NPSR1: variants seen among roughly 807,000 people sequenced by gnomAD.
NPSR1 encodes the protein neuropeptide S receptor.
Under a neutral mutation model 46.9 loss-of-function variants are expected in NPSR1, and 48 were observed. The ratio of observed to expected loss-of-function variants is 1.02; its 90% CI spans 0.81 to 1.30. The LOEUF is 1.30. Ranked by LOEUF, NPSR1 falls within the 50% of genes most tolerant of loss-of-function variation. The pLI, the probability that NPSR1 is intolerant of heterozygous loss-of-function variation, is 0.00. For synonymous variants in NPSR1, 176 were observed against 168.1 expected, an observed-to-expected ratio of 1.05 and a Z score of -0.36; for missense variants, 450 against 449.5, an observed-to-expected ratio of 1.00 and a Z score of -0.01.
downstream of NPSR1, among the ~76,000 whole-genome samples, chr7:34,853,736 G>A (rs185493247): frequency 3.3e-5 from 5 of 152,182 alleles, no homozygotes; most frequent in Admixed American, 6.5e-5. Flanking sequence ...CGAGGAGGGC[G>A]GATCACCTGA....
At chr7:34,857,841 A>C (rs1402835845) in intron 8 of NPSR1, among the ~76,000 whole-genome samples, 1 of 151,808 alleles carries the variant, frequency 6.6e-6, no homozygotes, top group Non-Finnish European at 1.5e-5. Flanking sequence ...ACTACTGCAA[A>C]TCAGTAAGAA....
chr7:34,729,665 G>A (rs1052790239), intron 2 of NPSR1, among the ~76,000 whole-genome samples: 2 of 152,064 alleles, frequency 1.3e-5, no homozygotes, highest in African/African-American at 4.8e-5. Context: ...AATATAAAAA[G>A]CAACTAGCTT....
rs191242775 is a variant in NPSR1, at chr7:34,683,552, T to C, written c.148-1000T>C. On this transcript the variant is annotated intron_variant, in intron 1 of 8. Transcript: ENST00000360581. ...TATCTTAATCTGTTTCATGCTGCTA[T>C]GACAGAATACCCAAGACTGAGTAAT... 2.0e-3 allele frequency among the ~76,000 whole-genome samples: 300 copies of C among 152,310 alleles called. 1 individual carries two copies. The highest frequency in any genetic ancestry group is 6.7e-3 in the African/African-American group (280 of 41,572).
rs189677919 is a variant in NPSR1 at position 34,714,715 on chromosome 7, A to G, written c.280+30031A>G. Among the ~76,000 whole-genome samples the G allele has an allele frequency of 5.7e-3, 873 of 152,274 alleles. 10 individuals carry two copies. Among genetic ancestry groups the G allele is most frequent in the African/African-American group, 0.019 (809 of 41,548 alleles). On this transcript the variant is annotated intron_variant, in intron 2 of 8. Coordinates refer to ENST00000360581, the MANE Select transcript of NPSR1 (RefSeq NM_207172.2). ...AGGTTACTCATCCTAGACCCAGTCAATTGCCCCTGACCTGCCTCAGGAGTG... is the reference window on the plus strand; with the variant it reads ...AGGTTACTCATCCTAGACCCAGTCAGTTGCCCCTGACCTGCCTCAGGAGTG...
rs1562731169 is a variant in NPSR1 at position 34,791,153 on chromosome 7, ATATATTATATATGTTATATAT to A, written c.384+12608_384+12628del. On this transcript the variant is annotated intron_variant, in intron 3 of 8. Transcript: ENST00000360581. Reference sequence around the variant, plus strand: ...TGTTATATATTATATATAATATGTTATATATTATATATGTTATATATTATATTATATATGTTATATGTTATA... The same window carrying A: ...TGTTATATATTATATATAATATGTTATATATTATATATGTTATATGTTATA... Among the ~76,000 whole-genome samples the A allele has an allele frequency of 9.8e-5, 11 of 112,610 alleles. No individual in the cohort carries two copies. In the East Asian group the frequency reaches 9.8e-4, roughly 10 times the overall value. 73.9% of individuals were successfully genotyped at this position (112,610 alleles called of 152,430 possible).
intron 1 of NPSR1, among the ~76,000 whole-genome samples, chr7:34,676,081 C>T (rs758085029): frequency 1.3e-5 from 2 of 151,874 alleles, no homozygotes; most frequent in African/African-American, 2.4e-5. Context: ...AGACTGGTAC[C>T]GAAAATAGGG....
intron 3 of NPSR1, among the ~76,000 whole-genome samples, chr7:34,789,555 G>A (rs1044237187): frequency 2.0e-5 from 3 of 151,812 alleles, no homozygotes; most frequent in Non-Finnish European, 1.5e-5. Context: ...CACTTCGGGA[G>A]GCTGAGGCAG....
chr7:34,696,175 T>C (rs774401330), intron 2 of NPSR1, among the ~76,000 whole-genome samples: 2 of 150,610 alleles, frequency 1.3e-5, no homozygotes, highest in African/African-American at 2.4e-5. Context: ...GAAACATAGA[T>C]AAAGCTAGAA....
At chr7:34,853,980 C>A (rs11412783), downstream of NPSR1, among the ~76,000 whole-genome samples, 120 of 142,680 alleles carry the variant, frequency 8.4e-4, no homozygotes, top group African/African-American at 2.3e-3. Context: ...AAAAAAAAAA[C>A]AAAAAACAAA....
intron 2 of NPSR1, among the ~76,000 whole-genome samples, chr7:34,700,429 A>T (rs1053069243): frequency 1.3e-5 from 2 of 152,202 alleles, no homozygotes; most frequent in African/African-American, 4.8e-5. Flanking sequence ...CTTTCTGTAG[A>T]TCATCTCATT....
At chr7:34,685,759 G>C (rs1401038240) in intron 2 of NPSR1, 2 of 388,438 alleles carry the variant, frequency 5.1e-6, no homozygotes, top group African/African-American at 2.2e-5. Context: ...AGTATAACAA[G>C]CCCACCTGCT....
At chr7:34,680,832 G>C (rs1434306218) in intron 1 of NPSR1, among the ~76,000 whole-genome samples, 3 of 152,076 alleles carry the variant, frequency 2.0e-5, no homozygotes, top group Admixed American at 2.0e-4. Flanking sequence ...TGTATAAGTG[G>C]TAACAGTAAA....
At chr7:34,878,142 G>A (rs1475147567) in exon 9 of NPSR1, 2 of 1,609,710 alleles carry the variant, frequency 1.2e-6, no homozygotes, top group South Asian at 2.2e-5. Context: ...AGAACTGGAA[G>A]GGTACTTGGC....
At chr7:34,873,355 C>T (rs962145249) in intron 8 of NPSR1, among the ~76,000 whole-genome samples, 1 of 151,736 alleles carries the variant, frequency 6.6e-6, no homozygotes, top group African/African-American at 2.4e-5. Context: ...ATGCCCAACT[C>T]CTCAGTACTA....
At chr7:34,825,635 G>A (rs189659312) in intron 4 of NPSR1, among the ~76,000 whole-genome samples, 1 of 152,302 alleles carries the variant, frequency 6.6e-6, no homozygotes, top group African/African-American at 2.4e-5. Context: ...GAAGGTCACT[G>A]CCCAAGTCAA....
intron 2 of NPSR1, among the ~76,000 whole-genome samples, chr7:34,755,930 A>C (rs1372974967): frequency 6.6e-6 from 1 of 152,206 alleles, no homozygotes; most frequent in Non-Finnish European, 1.5e-5. Flanking sequence ...CCCATGTTAG[A>C]CCTGCAGAAA....
downstream of NPSR1, among the ~76,000 whole-genome samples, chr7:34,851,503 G>T (rs1010624425): frequency 6.6e-6 from 1 of 152,044 alleles, no homozygotes; most frequent in African/African-American, 2.4e-5. Context: ...AGCTAAACTT[G>T]AGCAACCCTG....
At chr7:34,781,783 C>T (rs1368351694) in intron 3 of NPSR1, among the ~76,000 whole-genome samples, 2 of 152,180 alleles carry the variant, frequency 1.3e-5, no homozygotes, top group African/African-American at 4.8e-5. Context: ...GACTGATAGT[C>T]TGACTACACT....
Position 34,658,330 on chromosome 7 carries a change from G to C in NPSR1, c.-83G>C. The C allele has an allele frequency of 6.7e-7, 1 of 1,492,028 alleles. No individual in the cohort carries two copies. Among genetic ancestry groups the C allele is most frequent in the Non-Finnish European group, 9.2e-7 (1 of 1,086,544 alleles). 92.4% of individuals were successfully genotyped at this position (1,492,028 alleles called of 1,614,324 possible). On this transcript the variant is annotated 5_prime_UTR_variant, in exon 1 of 9. Transcript: ENST00000360581. ...GCCTCCGTTCAGCAGAGCTGCAGCT[G>C]CTGCCCAGCTCTCAGGAGGCAAGCT...
Sources: allele counts gnomAD v4.1 joint callset (sites outside exome capture counted in the v4.1 genomes callset), GRCh38; gene constraint gnomAD v4.1.1; transcripts MANE v1.5; gene names NCBI Gene and HGNC (gene_info 2026-07-23, HGNC 2026-07-21).